EP400: variants seen among roughly 807,000 people sequenced by gnomAD.
EP400 encodes E1A-binding protein p400.
In EP400, 105 loss-of-function variants were observed where a neutral mutation model predicts 354.1. The observed-to-expected ratio is 0.30, with a 90% CI of 0.25 to 0.35. EP400 has a LOEUF of 0.35. EP400 is among the 10% of genes least tolerant of loss of function. The pLI is 1.00. For synonymous variants in EP400, 1,646 were observed against 1,716.9 expected, an observed-to-expected ratio of 0.96 and a Z score of 1.02; for missense variants, 3,280 against 4,121.0, an observed-to-expected ratio of 0.80 and a Z score of 5.59.
chr12:132,056,973 T>C (rs998776178), intron 45 of EP400, among the ~76,000 whole-genome samples: 3 of 152,234 alleles, frequency 2.0e-5, no homozygotes, highest in Admixed American at 6.5e-5. Context: ...TGCAGATTTT[T>C]ACAACCACAG....
chr12:132,040,917 G>C (rs1345554585), intron 32 of EP400, among the ~76,000 whole-genome samples: 3 of 152,184 alleles, frequency 2.0e-5, no homozygotes, highest in Non-Finnish European at 4.4e-5. Flanking sequence ...GCAAGGCAAG[G>C]GGGATCCTGG....
chr12:131,963,584 C>A, intron 2 of EP400: 1 of 1,598,466 alleles, frequency 6.3e-7, no homozygotes, highest in South Asian at 1.1e-5. Flanking sequence ...GTTGCTATAG[C>A]AACCCAGCTT....
Position 132,025,733 on chromosome 12 carries a change from G to A in EP400, c.4943G>A (p.Gly1648Asp). 1.2e-6 allele frequency: 2 copies of A among 1,612,984 alleles called. No homozygotes were observed. The highest frequency in any genetic ancestry group is 2.2e-5 in the East Asian group (1 of 44,848). Residue 1648 changes from glycine (G) to aspartate (D), a missense_variant, in exon 25 of 53, where the codon GGC becomes GAC. By Grantham distance (94) the Gly-to-Asp change is moderately conservative. Around this residue, in one of 20 missense-constraint regions of EP400, gnomAD observed 459 missense variants for 496.9 expected, o/e 0.92. Transcript: ENST00000389561. This position sits in a 1 kb window ranked among gnomAD's most constrained non-coding sequence, Gnocchi z 4.1. ...GTGATGCAGACCGTGTCTCAGGCGG[G>A]CGCTGTGCACGGCGCCCTGGGAAGC... is the stretch of plus-strand genomic sequence containing the variant. ...PVVMQTVSQA[G>D]AVHGALGSKP...
chr12:131,956,567 C>T (rs1891707735), intron 1 of EP400, among the ~76,000 whole-genome samples: 2 of 151,928 alleles, frequency 1.3e-5, no homozygotes, highest in South Asian at 4.1e-4. Context: ...GTTACTAGGC[C>T]AAAGGTTTTG....
At chr12:131,960,120 A>G (rs745637704) in intron 1 of EP400, among the ~76,000 whole-genome samples, 2 of 152,184 alleles carry the variant, frequency 1.3e-5, no homozygotes, top group Admixed American at 6.5e-5. Context: ...AGACGGGCGG[A>G]AGCCGGAAAG....
intron 51 of EP400, among the ~76,000 whole-genome samples, 163 bp downstream of exon 51, chr12:132,069,804 T>C (rs1004508850): frequency 3.3e-5 from 5 of 152,136 alleles, no homozygotes; most frequent in African/African-American, 7.2e-5. Context: ...CCCCTCTGGC[T>C]CCTGGGAAGG....
intron 2 of EP400, among the ~76,000 whole-genome samples, chr12:131,974,314 C>T (rs1052091756): frequency 1.3e-5 from 2 of 152,102 alleles, no homozygotes. Context: ...GGAGGTCTCA[C>T]TTTGTTGCCT....
At chr12:132,065,259 T>C (rs1316560363) in intron 48 of EP400, 1 of 268,766 alleles carries the variant, frequency 3.7e-6, no homozygotes, top group Non-Finnish European at 7.2e-6. Flanking sequence ...CATGGGCAGG[T>C]GGCGGTCTCT....
chr12:131,998,354 G>T (rs1430928902), intron 12 of EP400, among the ~76,000 whole-genome samples: 3 of 152,100 alleles, frequency 2.0e-5, no homozygotes, highest in African/African-American at 7.2e-5. Flanking sequence ...TGCATTAATG[G>T]ATGTTTTGTG....
intron 12 of EP400, among the ~76,000 whole-genome samples, chr12:131,996,093 G>C (rs1023178862): frequency 6.6e-6 from 1 of 152,168 alleles, no homozygotes; most frequent in Non-Finnish European, 1.5e-5. Context: ...CAGTGTCTTT[G>C]CCAGGCAGTA....
chr12:132,041,285 A>G (rs1006572292), intron 32 of EP400, among the ~76,000 whole-genome samples: 2 of 152,262 alleles, frequency 1.3e-5, no homozygotes, highest in African/African-American at 4.8e-5. Flanking sequence ...AAAACAAAAC[A>G]TACAGCAAGT....
intron 23 of EP400, among the ~76,000 whole-genome samples, chr12:132,022,576 T>A (rs931697614): frequency 1.3e-5 from 2 of 152,198 alleles, no homozygotes; most frequent in Non-Finnish European, 2.9e-5. Flanking sequence ...AGCCGGAAGG[T>A]AGTACCTTTT....
intron 50 of EP400, 162 bp from the exon 51 acceptor site, chr12:132,069,333 G>A (rs1896000704): frequency 1.0e-5 from 10 of 979,292 alleles, no homozygotes; most frequent in Non-Finnish European, 1.5e-5. Flanking sequence ...GCAGCGGCAG[G>A]GATGGGACAG....
intron 11 of EP400, 46 bp downstream of exon 11, chr12:131,992,276 A>C (rs1333739928): frequency 1.3e-6 from 2 of 1,555,770 alleles, no homozygotes; most frequent in Admixed American, 3.5e-5. Context: ...AGGGCTGCTG[A>C]TGAGATGACA....
intron 23 of EP400, among the ~76,000 whole-genome samples, chr12:132,022,091 T>C (rs959177133): frequency 1.3e-5 from 2 of 152,214 alleles, no homozygotes; most frequent in Non-Finnish European, 2.9e-5. Flanking sequence ...TTCAAACTAA[T>C]TCTCTTTCCT....
intron 51 of EP400, among the ~76,000 whole-genome samples, chr12:132,074,147 ACACCTGACCTCAGGTGATC>A (rs145310726): frequency 0.021 from 3,213 of 151,712 alleles, 118 homozygotes; most frequent in African/African-American, 0.074. Flanking sequence ...CTGGTCTCGA[ACACCTGACCTCAGGTGATC>A]CACCTGCCTC....
At position 131,951,005 on chromosome 12, in the gene EP400, T is replaced by G. The variant is rs536186035; in HGVS notation, c.-36+969T>G. On this transcript the variant is annotated intron_variant, in intron 1 of 52. Coordinates refer to ENST00000389561, the MANE Select transcript of EP400 (RefSeq NM_015409.5). ...ACCTCCGCCTCCCAGGTTCAAGCGA[T>G]TCTCCTGCCTCAGCCTCCCGAGTAG... Among the ~76,000 whole-genome samples the G allele has an allele frequency of 7.6e-3, 1,146 of 151,648 alleles. 7 individuals are homozygous for G. Among genetic ancestry groups the G allele is most frequent in the South Asian group, 0.015 (71 of 4,792 alleles).
At position 132,028,145 on chromosome 12, in the gene EP400, G is replaced by A. The variant is rs147400562; in HGVS notation, c.5238G>A (p.Arg1746=). The A allele has an allele frequency of 2.5e-6, 4 of 1,614,194 alleles. No homozygotes were observed. Among genetic ancestry groups the A allele is most frequent in the South Asian group, 1.1e-5 (1 of 91,080 alleles). Residue 1746 remains arginine, a synonymous_variant, in exon 27 of 53, where the codon AGG becomes AGA. Transcript: ENST00000389561. ...LRICALPSHG[R]VQWRGSLDGR... ...TTTGTGCCCTGCCTAGCCATGGAAG[G>A]GTACAGTGGCGTGGGTCCCTGGATG...
At chr12:131,972,875 G>A (rs1029381934) in intron 2 of EP400, among the ~76,000 whole-genome samples, 9 of 151,992 alleles carry the variant, frequency 5.9e-5, no homozygotes, top group Non-Finnish European at 1.3e-4. Flanking sequence ...AAGATTACAG[G>A]CGTGTACCAC....
Sources: allele counts gnomAD v4.1 joint callset (sites outside exome capture counted in the v4.1 genomes callset), GRCh38; gene constraint gnomAD v4.1.1; regional missense constraint gnomAD v4.1.1; non-coding constraint Gnocchi (gnomAD v3.1); transcripts MANE v1.5; gene names NCBI Gene and HGNC (gene_info 2026-07-23, HGNC 2026-07-21).